Variants in TUFT1 observed in about 807,000 individuals in gnomAD.
TUFT1 encodes tuftelin.
A neutral mutation model predicts 57.8 loss-of-function variants in TUFT1; 43 were observed. The ratio of observed to expected loss-of-function variants is 0.74; its 90% CI spans 0.58 to 0.96. TUFT1 has a LOEUF of 0.96. Among genes scored for constraint, TUFT1 ranks in the 40% least tolerant of loss-of-function variants. TUFT1 has a pLI of 0.00. For synonymous variants in TUFT1, 166 were observed against 176.7 expected (o/e 0.94, Z 0.48); for missense variants, 459 against 489.0 (o/e 0.94, Z 0.58).
intron 4 of TUFT1, 33 bp from the exon 5 acceptor site, chr1:151,564,492 C>G: frequency 6.4e-7 from 1 of 1,566,782 alleles, no homozygotes; most frequent in Non-Finnish European, 8.8e-7. Flanking sequence ...TTTCTCTACC[C>G]TAAAGCTCAA....
intron 1 of TUFT1, among the ~76,000 whole-genome samples, chr1:151,551,332 C>A (rs576242395): frequency 6.6e-6 from 1 of 151,948 alleles, no homozygotes; most frequent in Non-Finnish European, 1.5e-5. Flanking sequence ...ACTCATGCAA[C>A]AACATATTTT....
At chr1:151,541,143 C>G (rs1665151302) in intron 1 of TUFT1, among the ~76,000 whole-genome samples, 1 of 152,070 alleles carries the variant, frequency 6.6e-6, no homozygotes, top group South Asian at 2.1e-4. Flanking sequence ...GTTTTGCTTC[C>G]GTCTCCAGCC....
At chr1:151,579,870 CT>C (rs1666589127) in intron 11 of TUFT1, 138 bp downstream of exon 11, 2 of 809,188 alleles carry the variant, frequency 2.5e-6, no homozygotes, top group African/African-American at 3.5e-5. Context: ...GGTTGGTTGA[CT>C]TTCAGTTCAG....
intron 1 of TUFT1, 156 bp downstream of exon 1, chr1:151,540,582 G>A: frequency 1.3e-6 from 1 of 791,822 alleles, no homozygotes; most frequent in Non-Finnish European, 2.0e-6. Flanking sequence ...TCTTTTGCCT[G>A]CGACGGGCAG....
rs1200277408 is a variant in TUFT1, at chr1:151,557,557, G to T, written c.61-4534G>T. The T allele has an allele frequency of 1.1e-5, 13 of 1,151,048 alleles. No homozygotes were observed. The East Asian group carries it at 2.6e-4, about 23-fold the overall frequency. The allele number at this position is 1,151,048 out of a possible 1,614,324, so 71.3% of individuals were successfully genotyped here. A position where few individuals can be genotyped will look rare whatever the true frequency, so the allele number is the denominator to read the frequency against. ...TAAGCACCGGGAGCTGGCAGACAAGGATGTGCCCAATCTTCATGTCATGAA... is the reference window on the plus strand; with the variant it reads ...TAAGCACCGGGAGCTGGCAGACAAGTATGTGCCCAATCTTCATGTCATGAA... On this transcript the variant is annotated intron_variant, in intron 1 of 12. Coordinates refer to ENST00000368849, the MANE Select transcript of TUFT1 (RefSeq NM_020127.3).
intron 9 of TUFT1, among the ~76,000 whole-genome samples, chr1:151,578,204 C>T (rs1389325501): frequency 1.3e-5 from 2 of 152,184 alleles, no homozygotes; most frequent in Non-Finnish European, 2.9e-5. Context: ...CCTGTTGCTT[C>T]TAGATTTACC....
chr1:151,581,642 AG>A lies in TUFT1; in HGVS notation c.1110-1del. 1 of 1,614,044 alleles carries A rather than the reference AG, an allele frequency of 6.2e-7. No individual in the cohort carries two copies. The highest frequency in any genetic ancestry group is 8.5e-7 in the Non-Finnish European group (1 of 1,179,984). ...ACTCAGTGTTTCCAACCTTCTTTTC[AG>A]TATTAGGATATCCAAGCCGCCTAGC... On this transcript the variant is annotated splice_acceptor_variant, in intron 12 of 12. Transcript: ENST00000368849. LOFTEE classifies it high-confidence loss of function.
intron 6 of TUFT1, among the ~76,000 whole-genome samples, chr1:151,568,741 G>A (rs1666156966): frequency 1.3e-5 from 2 of 152,138 alleles, no homozygotes; most frequent in Non-Finnish European, 2.9e-5. Flanking sequence ...ATACATTGTT[G>A]GCAACAAATT....
At chr1:151,546,680 A>C (rs1240200033) in intron 1 of TUFT1, among the ~76,000 whole-genome samples, 1 of 152,212 alleles carries the variant, frequency 6.6e-6, no homozygotes, top group Admixed American at 6.5e-5. Context: ...AGGTTCATCC[A>C]TGTTGTAATG....
chr1:151,561,777 A>C (rs1004608495), intron 1 of TUFT1: 31 of 1,360,696 alleles, frequency 2.3e-5, no homozygotes, highest in Non-Finnish European at 2.9e-5. Flanking sequence ...CAACTAGAGA[A>C]AGAAGAATGC....
rs769336782 is a variant in TUFT1 at position 151,562,191 on chromosome 1, G to T, written c.135+26G>T. On this transcript the variant is annotated intron_variant, in intron 2 of 12. Transcript: ENST00000368849. ...GTACTGCGGAATTCTGGTGGGCAAG[G>T]CCCCCTCCCCACACCAGTGCTTCCT... 3.1e-6 allele frequency: 5 copies of T among 1,599,672 alleles called. No individual in the cohort carries two copies. In the African/African-American group the frequency reaches 6.7e-5, roughly 21 times the overall value.
rs150841975 is a variant in TUFT1, at chr1:151,563,942, C to T, written c.276C>T (p.His92=). ...LKGRSGDKMI[H]EKNINQLKSE... Reference sequence around the variant, plus strand: ...GGAGGTCTGGAGACAAGATGATTCACGAGAAGAATATTAACCAGCTGAAGA... The same window carrying T: ...GGAGGTCTGGAGACAAGATGATTCATGAGAAGAATATTAACCAGCTGAAGA... Residue 92 remains histidine (H), a synonymous_variant, in exon 4 of 13, where the codon CAC becomes CAT. Transcript: ENST00000368849. The T allele has an allele frequency of 3.8e-5, 62 of 1,613,966 alleles. 2 individuals are homozygous for T. The Middle Eastern group carries it at 1.2e-3, about 30-fold the overall frequency.
chr1:151,545,007 T>C (rs948334314), intron 1 of TUFT1, among the ~76,000 whole-genome samples: 1 of 152,190 alleles, frequency 6.6e-6, no homozygotes, highest in African/African-American at 2.4e-5. Flanking sequence ...TTAATAGCAT[T>C]GTGGTCAAGA....
intron 5 of TUFT1, chr1:151,565,889 C>A: frequency 2.9e-6 from 1 of 340,508 alleles, no homozygotes; most frequent in South Asian, 3.4e-5. Flanking sequence ...CTTTCAAGGC[C>A]GCATAACATC....
rs567616992 is a variant in TUFT1 at position 151,582,045 on chromosome 1, C to G, written c.*338C>G. ...CTGGCTGTGCCATAAGCCAGGCCTT[C>G]ATCAGATTGGGAGAGGTGACAAGAT... On this transcript the variant is annotated 3_prime_UTR_variant, in exon 13 of 13. Coordinates refer to ENST00000368849, the MANE Select transcript of TUFT1 (RefSeq NM_020127.3). The G allele has an allele frequency of 9.3e-6, 5 of 536,870 alleles. No homozygotes were observed. The highest frequency in any genetic ancestry group is 7.7e-5 in the South Asian group (5 of 65,222). 33.3% of individuals were successfully genotyped at this position (536,870 alleles called of 1,614,324 possible).
chr1:151,541,519 T>A (rs958365097), intron 1 of TUFT1, among the ~76,000 whole-genome samples: 1 of 152,038 alleles, frequency 6.6e-6, no homozygotes, highest in African/African-American at 2.4e-5. Context: ...TCATCCCCCC[T>A]CCCACATCTG....
chr1:151,543,451 T>C (rs1201721706), intron 1 of TUFT1, among the ~76,000 whole-genome samples: 3 of 152,024 alleles, frequency 2.0e-5, no homozygotes, highest in Admixed American at 6.6e-5. Flanking sequence ...GTAAGTTATA[T>C]TGGCAAATAA....
chr1:151,562,222 C>A, intron 2 of TUFT1, 57 bp downstream of exon 2: 1 of 1,498,186 alleles, frequency 6.7e-7, no homozygotes, highest in Non-Finnish European at 9.3e-7. Flanking sequence ...TTCCTTGCTG[C>A]TGGCCTCTTA....
At chr1:151,576,389 G>C (rs1384252307) in intron 9 of TUFT1, among the ~76,000 whole-genome samples, 1 of 152,102 alleles carries the variant, frequency 6.6e-6, no homozygotes, top group Non-Finnish European at 1.5e-5. Context: ...ATTGATACCA[G>C]CTGGGCACCC....
Sources: allele counts gnomAD v4.1 joint callset (sites outside exome capture counted in the v4.1 genomes callset), GRCh38; gene constraint gnomAD v4.1.1; transcripts MANE v1.5; gene names NCBI Gene and HGNC (gene_info 2026-07-23, HGNC 2026-07-21).